NDUFS1: variants seen among roughly 807,000 people sequenced by gnomAD.
NDUFS1 encodes the protein NADH:ubiquinone oxidoreductase core subunit S1.
Under a neutral mutation model 84.4 loss-of-function variants are expected in NDUFS1, and 61 were observed. The observed-to-expected ratio is 0.72, with a 90% CI of 0.59 to 0.89. The LOEUF is 0.89. Among genes scored for constraint, NDUFS1 ranks in the 40% least tolerant of loss-of-function variants. The probability of loss-of-function intolerance (pLI) is 0.00; values close to 1 mark genes in which losing one functional copy is unlikely to be tolerated. For missense variants in NDUFS1, 891 were observed against 890.0 expected, an observed-to-expected ratio of 1.00 and a Z score of -0.01; for synonymous variants, 275 against 290.0, an observed-to-expected ratio of 0.95 and a Z score of 0.53.
intron 13 of NDUFS1, among the ~76,000 whole-genome samples, chr2:206,135,674 CAA>C (rs1464089958): frequency 7.3e-6 from 1 of 136,244 alleles, no homozygotes; most frequent in African/African-American, 2.7e-5. Context: ...GACTCTGTCT[CAA>C]AAAAAAAAGA....
chr2:206,154,654 C>T (rs1192567672), intron 1 of NDUFS1, among the ~76,000 whole-genome samples: 8 of 152,198 alleles, frequency 5.3e-5, no homozygotes, highest in Non-Finnish European at 5.9e-5. Context: ...GATGGAGTCT[C>T]GCCCTATCAC....
chr2:206,116,460 C>T lies in NDUFS1; in HGVS notation c.*7725G>A. 1.9e-6 allele frequency: 2 copies of T among 1,079,652 alleles called. No individual in the cohort carries two copies. Among genetic ancestry groups the T allele is most frequent in the Non-Finnish European group, 2.7e-6 (2 of 729,972 alleles). The allele number at this position is 1,079,652 out of a possible 1,614,324, so 66.9% of individuals were successfully genotyped here. A position where few individuals can be genotyped will look rare whatever the true frequency, so the allele number is the denominator to read the frequency against. ...AGGTGCCAGGACCACGTGCAGGCTGCAGAGCACGGCCCGCACGCTCCGCAC... is the reference window on the plus strand; with the variant it reads ...AGGTGCCAGGACCACGTGCAGGCTGTAGAGCACGGCCCGCACGCTCCGCAC... On this transcript the variant is annotated 3_prime_UTR_variant, in exon 19 of 19. Coordinates refer to ENST00000233190, the MANE Select transcript of NDUFS1 (RefSeq NM_005006.7).
intron 11 of NDUFS1, 49 bp downstream of exon 11, chr2:206,142,637 T>C: frequency 1.2e-6 from 2 of 1,609,382 alleles, no homozygotes; most frequent in African/African-American, 1.3e-5. Flanking sequence ...ACATAACTTG[T>C]AACTAAAAAA....
chr2:206,153,037 G>C (rs186231684), intron 2 of NDUFS1, among the ~76,000 whole-genome samples: 18 of 152,132 alleles, frequency 1.2e-4, no homozygotes, highest in African/African-American at 4.3e-4. Context: ...CTGAAAATAT[G>C]TTCATGGGAA....
chr2:206,134,228 A>C (rs1435063875), intron 13 of NDUFS1, among the ~76,000 whole-genome samples: 3 of 152,220 alleles, frequency 2.0e-5, no homozygotes, highest in Admixed American at 1.3e-4. Context: ...TCTCACTTAA[A>C]AACTCAAAGA....
In NDUFS1 at chr2:206,120,845, T is replaced by G. The variant is rs1437242243; in HGVS notation, c.*3340A>C. The G allele has an allele frequency of 6.6e-6, 1 of 152,270 alleles. No homozygotes were observed. Among genetic ancestry groups the G allele is most frequent in the African/African-American group, 2.4e-5 (1 of 41,460 alleles). The allele number at this position is 152,270 out of a possible 1,614,324, so 9.4% of individuals were successfully genotyped here. On this transcript the variant is annotated 3_prime_UTR_variant, in exon 19 of 19. Transcript: ENST00000233190. ...AGGAATACAGTTGTCCATGCTGGACTCAACTCATTTGCTCAAGCAATCCTT... is the reference window on the plus strand; with the variant it reads ...AGGAATACAGTTGTCCATGCTGGACGCAACTCATTTGCTCAAGCAATCCTT...
rs192481275 is a variant in NDUFS1, at chr2:206,134,983, T to C, written c.1393-1878A>G. Among the ~76,000 whole-genome samples the C allele has an allele frequency of 5.3e-5, 8 of 151,988 alleles. No individual in the cohort carries two copies. The East Asian group carries it at 7.8e-4, about 15-fold the overall frequency. ...CATAGTGAGACCTTAAAAATACATA[T>C]ATAGAAAAGAAGATTCGACAACTGC... On this transcript the variant is annotated intron_variant, in intron 13 of 18. Coordinates refer to ENST00000233190, the MANE Select transcript of NDUFS1 (RefSeq NM_005006.7).
In NDUFS1 at chr2:206,116,069, G is replaced by T; in HGVS notation, c.*8116C>A. ...CCACTAATTTAGGACAACTCTGCTG[G>T]GTTGCGTTATTTCATACTAGCTTAT... On this transcript the variant is annotated 3_prime_UTR_variant, in exon 19 of 19. Transcript: ENST00000233190. 2 of 972,158 alleles carry T rather than the reference G, an allele frequency of 2.1e-6. No individual in the cohort carries two copies. Among genetic ancestry groups the T allele is most frequent in the Non-Finnish European group, 3.4e-6 (2 of 595,314 alleles). The allele number at this position is 972,158 out of a possible 1,614,324, so 60.2% of individuals were successfully genotyped here.
intron 8 of NDUFS1, 74 bp downstream of exon 8, chr2:206,146,829 A>T: frequency 3.5e-6 from 5 of 1,424,676 alleles, no homozygotes; most frequent in Non-Finnish European, 4.9e-6. Flanking sequence ...CCAGGAAGAA[A>T]ATGAACCTTA....
At chr2:206,127,115 T>C (rs1195068722) in intron 16 of NDUFS1, among the ~76,000 whole-genome samples, 1 of 152,256 alleles carries the variant, frequency 6.6e-6, no homozygotes, top group East Asian at 1.9e-4. Context: ...TAACCTGTTA[T>C]TAAAATACAT....
rs1453075367 is a variant in NDUFS1, at chr2:206,149,029, T to C, written c.329A>G (p.Lys110Arg). The change falls in exon 5 of 19, where the codon AAA (lysine) becomes AGA (arginine). Residue 110 changes from lysine (K) to arginine (R), a missense_variant. Coordinates refer to ENST00000233190, the MANE Select transcript of NDUFS1 (RefSeq NM_005006.7). ...AATAACAATAAAGTACCTGGCTTTTTTGGATTTTTCTGAGTTTGTTAGGAT... is the reference window on the plus strand; with the variant it reads ...AATAACAATAAAGTACCTGGCTTTTCTGGATTTTTCTGAGTTTGTTAGGAT... Reference protein sequence around the residue: ...WNILTNSEKSKKAREGVMEFL... With the variant: ...WNILTNSEKSRKAREGVMEFL... 7 of 1,610,838 alleles carry C rather than the reference T, an allele frequency of 4.3e-6. No homozygotes were observed. The highest frequency in any genetic ancestry group is 3.3e-5 in the South Asian group (3 of 91,034).
chr2:206,159,018 G>A, intron 1 of NDUFS1: 1 of 1,463,606 alleles, frequency 6.8e-7, no homozygotes, highest in Non-Finnish European at 9.2e-7. Context: ...CCTCTCCCGG[G>A]GAATAAAACG....
chr2:206,146,185 A>C (rs796758007), intron 8 of NDUFS1, among the ~76,000 whole-genome samples: 2 of 152,314 alleles, frequency 1.3e-5, no homozygotes, highest in African/African-American at 4.8e-5. Context: ...GACACAGGGG[A>C]ACTCCTAAGA....
At chr2:206,147,508 GA>G (rs766159626) in intron 7 of NDUFS1, 22 bp downstream of exon 7, 12 of 1,599,434 alleles carry the variant, frequency 7.5e-6, no homozygotes, top group Non-Finnish European at 9.4e-6. Context: ...TTCTATAATA[GA>G]AAAAAAAGGA....
chr2:206,138,965 T>C (rs1575968564), intron 12 of NDUFS1, among the ~76,000 whole-genome samples: 1 of 151,956 alleles, frequency 6.6e-6, no homozygotes, highest in East Asian at 2.0e-4. Context: ...AAAAATACAG[T>C]ATTAGCTGGA....
intron 18 of NDUFS1, among the ~76,000 whole-genome samples, chr2:206,125,808 C>T (rs1250249036): frequency 6.6e-6 from 1 of 152,102 alleles, no homozygotes; most frequent in East Asian, 1.9e-4. Context: ...CTCCCTCCTC[C>T]CACTCTCCAC....
rs1691135947 is a variant in NDUFS1, at chr2:206,122,643, A to AAAAAAAAAAAAAAAAAT, written c.*1541_*1542insATTTTTTTTTTTTTTTT. On this transcript the variant is annotated 3_prime_UTR_variant, in exon 19 of 19. Transcript: ENST00000233190. Reference sequence around the variant, plus strand: ...AGACTCCATCTCAAAAAAAAAAAAAAAACAAAGGGAAAAAGGGCATCCTAT... The same window carrying AAAAAAAAAAAAAAAAAT: ...AGACTCCATCTCAAAAAAAAAAAAAAAAAAAAAAAAAAAAAATAACAAAGGGAAAAAGGGCATCCTAT... 1 of 151,350 alleles carries AAAAAAAAAAAAAAAAAT rather than the reference A, an allele frequency of 6.6e-6. No individual in the cohort carries two copies. The highest frequency in any genetic ancestry group is 2.4e-5 in the African/African-American group (1 of 40,940). The allele number at this position is 151,350 out of a possible 1,614,324, so 9.4% of individuals were successfully genotyped here. A position where few individuals can be genotyped will look rare whatever the true frequency, so the allele number is the denominator to read the frequency against.
intron 12 of NDUFS1, among the ~76,000 whole-genome samples, chr2:206,140,943 T>TATATATATACACAC (rs367723817): frequency 7.3e-6 from 1 of 136,110 alleles, no homozygotes; most frequent in East Asian, 2.1e-4. Flanking sequence ...TATATATATA[T>TATATATATACACAC]ACACACACAC....
At chr2:206,143,035 T>C (rs1290106279) in intron 10 of NDUFS1, among the ~76,000 whole-genome samples, 1 of 152,224 alleles carries the variant, frequency 6.6e-6, no homozygotes, top group Admixed American at 6.5e-5. Context: ...GCGGATCACC[T>C]GCAGTCAGGA....
Sources: allele counts gnomAD v4.1 joint callset (sites outside exome capture counted in the v4.1 genomes callset), GRCh38; gene constraint gnomAD v4.1.1; transcripts MANE v1.5; gene names NCBI Gene and HGNC (gene_info 2026-07-23, HGNC 2026-07-21).